The following ULBP2 variants were observed in gnomAD, a reference collection of about 807,000 sequenced individuals.
ULBP2 encodes the protein UL16 binding protein 2, also known as UL16-binding protein 2.
In ULBP2, 21 loss-of-function variants were observed where a neutral mutation model predicts 23.6. That is an observed-to-expected ratio of 0.89 (90% CI 0.63 to 1.28). The LOEUF is 1.28. Among genes scored for constraint, ULBP2 ranks in the 50% most tolerant of loss-of-function variants. ULBP2 has a pLI of 0.00. For synonymous variants in ULBP2, 82 were observed against 112.8 expected (o/e 0.73, Z 1.73); for missense variants, 251 against 306.0 (o/e 0.82, Z 1.34).
At position 149,945,433 on chromosome 6, in the gene ULBP2, A is replaced by T. The variant is rs1778922087; in HGVS notation, c.210A>T (p.Thr70=). The T allele has an allele frequency of 6.2e-7, 1 of 1,613,872 alleles. No individual in the cohort carries two copies. The highest frequency in any genetic ancestry group is 1.3e-5 in the African/African-American group (1 of 74,884). The change falls in exon 2 of 5, where the codon ACA becomes ACT. Residue 70 remains threonine (T), a synonymous_variant. Coordinates refer to ENST00000367351, the MANE Select transcript of ULBP2 (RefSeq NM_025217.4). Reference sequence around the variant, plus strand: ...TTCACTATGACTGTGGCAACAAGACAGTCACACCTGTCAGTCCCCTGGGGA... The same window carrying T: ...TTCACTATGACTGTGGCAACAAGACTGTCACACCTGTCAGTCCCCTGGGGA... ...TFLHYDCGNK[T]VTPVSPLGKK... is the part of the protein sequence containing the mutation.
intron 4 of ULBP2, among the ~76,000 whole-genome samples, chr6:149,948,112 G>A (rs114610067): frequency 3.3e-5 from 5 of 152,160 alleles, no homozygotes; most frequent in Admixed American, 6.5e-5. Flanking sequence ...CAGCTCCCCT[G>A]CCATCATCCT....
chr6:149,942,654 C>A (rs1778881018), intron 1 of ULBP2, among the ~76,000 whole-genome samples: 1 of 151,620 alleles, frequency 6.6e-6, no homozygotes, highest in African/African-American at 2.4e-5. Context: ...CCTGCACTTT[C>A]CTGTAGACAC....
At chr6:149,944,146 A>C (rs1261351543) in intron 1 of ULBP2, among the ~76,000 whole-genome samples, 2 of 152,102 alleles carry the variant, frequency 1.3e-5, no homozygotes, top group Non-Finnish European at 2.9e-5. Context: ...TCTTCTAGTC[A>C]TGGGTTCAGG....
intron 1 of ULBP2, among the ~76,000 whole-genome samples, chr6:149,944,874 G>A (rs1778910856): frequency 7.3e-6 from 1 of 136,758 alleles, no homozygotes; most frequent in Non-Finnish European, 1.5e-5. Flanking sequence ...ATCCAACGGG[G>A]TTCCATCCTC....
At chr6:149,944,281 T>C (rs1159252106) in intron 1 of ULBP2, among the ~76,000 whole-genome samples, 18 of 151,792 alleles carry the variant, frequency 1.2e-4, no homozygotes, top group African/African-American at 2.7e-4. Flanking sequence ...CAGCAGTATC[T>C]GGGGTGGGTT....
intron 4 of ULBP2, among the ~76,000 whole-genome samples, chr6:149,948,278 A>T (rs1377877821): frequency 2.0e-5 from 3 of 152,122 alleles, no homozygotes; most frequent in Admixed American, 6.5e-5. Context: ...CCTTCAGAGC[A>T]ATGGGTGCTG....
chr6:149,942,343 G>C (rs907967137), intron 1 of ULBP2, among the ~76,000 whole-genome samples, 186 bp downstream of exon 1: 9 of 152,196 alleles, frequency 5.9e-5, no homozygotes, highest in African/African-American at 1.9e-4. Context: ...CTTCTTGCCC[G>C]GGAAGAGGCG....
Position 149,949,003 on chromosome 6 carries a change from T to C in ULBP2, c.*303T>C, listed in dbSNP as rs1292308323. On this transcript the variant is annotated 3_prime_UTR_variant, in exon 5 of 5. Transcript: ENST00000367351. ...TAAACAAGATATATCATTTTCTTTC[T>C]TCTCTTTTTGTTTGGAAAATCAAGT... The C allele has an allele frequency of 9.3e-6, 2 of 214,570 alleles. No homozygotes were observed. Among genetic ancestry groups the C allele is most frequent in the Non-Finnish European group, 1.9e-5 (2 of 105,146 alleles). 13.3% of individuals were successfully genotyped at this position (214,570 alleles called of 1,614,324 possible).
intron 4 of ULBP2, among the ~76,000 whole-genome samples, chr6:149,948,156 C>A (rs1778971768): frequency 6.6e-6 from 1 of 152,194 alleles, no homozygotes; most frequent in Admixed American, 6.5e-5. Flanking sequence ...CCACTGATGG[C>A]CCTGCCTGGA....
intron 1 of ULBP2, 57 bp downstream of exon 1, chr6:149,942,214 C>G (rs1225412472): frequency 1.3e-6 from 2 of 1,561,496 alleles, no homozygotes; most frequent in Non-Finnish European, 1.7e-6. Context: ...GGGCTGTGAA[C>G]TGCCGCGGGT....
intron 1 of ULBP2, among the ~76,000 whole-genome samples, chr6:149,943,233 A>G (rs1229199258): frequency 6.6e-6 from 1 of 150,782 alleles, no homozygotes; most frequent in Non-Finnish European, 1.5e-5. Flanking sequence ...ACAATGTCCC[A>G]GTGAATAGTG....
At chr6:149,944,372 T>C (rs918639302) in intron 1 of ULBP2, among the ~76,000 whole-genome samples, 20 of 151,186 alleles carry the variant, frequency 1.3e-4, no homozygotes, top group Non-Finnish European at 2.1e-4. Context: ...CCAGCTGGCA[T>C]TGTGACTTCT....
At chr6:149,944,238 G>A (rs1054653533) in intron 1 of ULBP2, among the ~76,000 whole-genome samples, 3 of 151,560 alleles carry the variant, frequency 2.0e-5, no homozygotes, top group Admixed American at 6.6e-5. Flanking sequence ...CTCCTGATTT[G>A]GTTTATCTCT....
chr6:149,948,488 T>C (rs960711188), intron 4 of ULBP2, among the ~76,000 whole-genome samples: 1 of 152,074 alleles, frequency 6.6e-6, no homozygotes, highest in Non-Finnish European at 1.5e-5. Context: ...GCTTCAGACC[T>C]GCAGGCCCCT....
At position 149,945,516 on chromosome 6, in the gene ULBP2, T is replaced by C. The variant is rs1339537825; in HGVS notation, c.293T>C (p.Val98Ala). ...KAQNPVLREV[V>A]DILTEQLRDI... is the part of the protein sequence containing the mutation. ...CAGAACCCAGTACTGAGAGAGGTGG[T>C]GGACATACTTACAGAGCAACTGCGT... The change falls in exon 2 of 5, where the codon GTG (valine) becomes GCG (alanine). Residue 98 changes from valine to alanine, a missense_variant. Physicochemically the swap from Val to Ala is moderately conservative, Grantham distance 64. This residue lies in a region of ULBP2 where 248 missense variants were observed against 258.9 expected (regional missense o/e 0.96). Coordinates refer to ENST00000367351, the MANE Select transcript of ULBP2 (RefSeq NM_025217.4). 1.2e-6 allele frequency: 2 copies of C among 1,613,932 alleles called. No individual in the cohort carries two copies. The highest frequency in any genetic ancestry group is 1.3e-5 in the African/African-American group (1 of 74,938).
At chr6:149,946,941 T>A (rs1268564640) in intron 3 of ULBP2, among the ~76,000 whole-genome samples, 3 of 152,152 alleles carry the variant, frequency 2.0e-5, no homozygotes, top group Admixed American at 2.0e-4. Flanking sequence ...ACCTTTTTCC[T>A]TAGTGTTTCC....
chr6:149,942,184 G>A (rs775654093), intron 1 of ULBP2, 27 bp downstream of exon 1: 15 of 1,608,186 alleles, frequency 9.3e-6, no homozygotes, highest in Non-Finnish European at 1.2e-5. Flanking sequence ...AGCCTAAGCC[G>A]GGCGGGGACC....
intron 1 of ULBP2, among the ~76,000 whole-genome samples, chr6:149,944,589 T>C (rs1778907700): frequency 7.7e-6 from 1 of 130,650 alleles, no homozygotes; most frequent in South Asian, 2.7e-4. Context: ...CTTTATATGC[T>C]GGGTAAACAG....
chr6:149,943,097 G>A (rs375244060), intron 1 of ULBP2, among the ~76,000 whole-genome samples: 22 of 152,182 alleles, frequency 1.4e-4, no homozygotes, highest in East Asian at 5.8e-4. Context: ...TTTGCAGGCC[G>A]TGGGTTCTCC....
Sources: gnomAD v4.1 joint callset for allele counts (sites outside exome capture counted in the v4.1 genomes callset) on GRCh38, gnomAD v4.1.1 for gene constraint, gnomAD v4.1.1 regional missense constraint, MANE v1.5 for transcripts, NCBI Gene and HGNC (gene_info 2026-07-23, HGNC 2026-07-21) for gene names.